The following ELAPOR2 variants were observed in gnomAD, a reference collection of about 807,000 sequenced individuals.
The protein encoded by ELAPOR2 is endosome/lysosome-associated apoptosis and autophagy regulator family member 2.
A neutral mutation model predicts 120.7 loss-of-function variants in ELAPOR2; 89 were observed. That is an observed-to-expected ratio of 0.74 (90% CI 0.62 to 0.88). The LOEUF (loss-of-function observed/expected upper bound fraction) is 0.88, where lower values mean the gene tolerates loss of function less well. Among genes scored for constraint, ELAPOR2 ranks in the 40% least tolerant of loss-of-function variants. The pLI, the probability that ELAPOR2 is intolerant of heterozygous loss-of-function variation, is 0.00. For missense variants in ELAPOR2, 1,134 were observed against 1,251.6 expected (o/e 0.91, Z 1.42); for synonymous variants, 444 against 444.9 (o/e 1.00, Z 0.03).
intron 13 of ELAPOR2, 40 bp downstream of exon 13, chr7:86,914,682 TA>T (rs752505273): frequency 5.1e-6 from 8 of 1,564,048 alleles, no homozygotes; most frequent in Non-Finnish European, 6.9e-6. Flanking sequence ...GGGGCATCAT[TA>T]GTGTGTTTAA....
chr7:87,021,032 G>T (rs535940056), intron 1 of ELAPOR2, among the ~76,000 whole-genome samples: 1 of 151,924 alleles, frequency 6.6e-6, no homozygotes, highest in African/African-American at 2.4e-5. Flanking sequence ...AACTCTATGG[G>T]GTAGGTATTA....
intron 1 of ELAPOR2, among the ~76,000 whole-genome samples, chr7:87,022,937 G>C (rs1794108634): frequency 6.6e-6 from 1 of 151,836 alleles, no homozygotes; most frequent in Non-Finnish European, 1.5e-5. Flanking sequence ...TTTTTTTCTT[G>C]TAAATTTGTT....
Position 86,878,437 on chromosome 7 carries a change from C to T in ELAPOR2, c.*2034G>A, listed in dbSNP as rs557556501. On this transcript the variant is annotated 3_prime_UTR_variant, in exon 22 of 22. Transcript: ENST00000450689. Reference sequence around the variant, plus strand: ...ATATCAACTACATTTTCGGAGAGTTCATTAAAATTTAAGGCATTTTTGACA... The same window carrying T: ...ATATCAACTACATTTTCGGAGAGTTTATTAAAATTTAAGGCATTTTTGACA... The T allele has an allele frequency of 3.5e-4, 54 of 152,224 alleles. No individual in the cohort carries two copies. Among genetic ancestry groups the T allele is most frequent in the African/African-American group, 1.2e-3 (51 of 41,536 alleles). The allele number at this position is 152,224 out of a possible 1,614,324, so 9.4% of individuals were successfully genotyped here.
intron 1 of ELAPOR2, among the ~76,000 whole-genome samples, chr7:86,992,581 T>C (rs552624377): frequency 6.5e-4 from 99 of 152,248 alleles, no homozygotes; most frequent in Admixed American, 1.3e-3. Context: ...AAAATGGATA[T>C]TTATCATTAC....
intron 1 of ELAPOR2, among the ~76,000 whole-genome samples, chr7:87,003,492 T>A (rs959783078): frequency 2.6e-5 from 4 of 152,150 alleles, no homozygotes; most frequent in African/African-American, 9.7e-5. Flanking sequence ...TATGTAGCAC[T>A]TCCCCCTTCG....
intron 1 of ELAPOR2, among the ~76,000 whole-genome samples, chr7:86,972,274 G>A (rs1340775421): frequency 1.3e-5 from 2 of 152,112 alleles, no homozygotes; most frequent in African/African-American, 4.8e-5. Flanking sequence ...CACCCAATCA[G>A]AACCAAGACA....
intron 1 of ELAPOR2, among the ~76,000 whole-genome samples, chr7:87,006,613 A>C (rs1562965277): frequency 6.6e-6 from 1 of 152,198 alleles, no homozygotes; most frequent in African/African-American, 2.4e-5. Flanking sequence ...TGCAGATAGG[A>C]ATGAAAACAA....
chr7:86,886,927 T>A (rs1799720324), intron 21 of ELAPOR2, among the ~76,000 whole-genome samples: 1 of 152,130 alleles, frequency 6.6e-6, no homozygotes, highest in Non-Finnish European at 1.5e-5. Context: ...TTCAATCATC[T>A]ATGAATAACT....
intron 3 of ELAPOR2, 145 bp from the exon 4 acceptor site, chr7:86,945,191 A>G (rs1293958365): frequency 9.5e-6 from 6 of 629,086 alleles, no homozygotes; most frequent in Non-Finnish European, 1.6e-5. Context: ...TCAAAGGCCA[A>G]CTTTATTACT....
intron 1 of ELAPOR2, among the ~76,000 whole-genome samples, chr7:87,040,983 C>A (rs1029052838): frequency 6.6e-6 from 1 of 151,712 alleles, no homozygotes; most frequent in African/African-American, 2.4e-5. Context: ...CCTCAGGAGC[C>A]GATGCGATCA....
chr7:87,025,941 A>G (rs1363650791), intron 1 of ELAPOR2, among the ~76,000 whole-genome samples: 3 of 152,150 alleles, frequency 2.0e-5, no homozygotes, highest in Non-Finnish European at 2.9e-5. Context: ...AAAAAAGAGA[A>G]AAACCAGCAA....
rs1790684953 is a variant in ELAPOR2, at chr7:86,938,960, C to T, written c.848G>A (p.Gly283Glu). Residue 283 changes from glycine to glutamate, a missense_variant and splice_region_variant, in exon 7 of 22, where the codon GGG (glycine) becomes GAG (glutamate). Around this residue, in one of 3 missense-constraint regions of ELAPOR2, gnomAD observed 23 missense variants for 52.4 expected, o/e 0.44. Coordinates refer to ENST00000450689, the MANE Select transcript of ELAPOR2 (RefSeq NM_001142749.3). ...AAAACATTCTGATGTGTACGCCACCCCTGTGCAGTAATGAAAAACAGAGCA... is the reference window on the plus strand; with the variant it reads ...AAAACATTCTGATGTGTACGCCACCTCTGTGCAGTAATGAAAAACAGAGCA... ...PVLVKNITIEGVAYTSECFPC... is the reference protein window; with the variant it reads ...PVLVKNITIEEVAYTSECFPC... 6.2e-7 allele frequency: 1 copy of T among 1,612,650 alleles called. No homozygotes were observed. Among genetic ancestry groups the T allele is most frequent in the Admixed American group, 1.7e-5 (1 of 59,830 alleles).
intron 10 of ELAPOR2, among the ~76,000 whole-genome samples, chr7:86,919,517 G>A (rs1789726168): frequency 1.3e-5 from 2 of 152,054 alleles, no homozygotes; most frequent in South Asian, 4.1e-4. Flanking sequence ...GCATTATTTT[G>A]AATAAAAGAT....
At chr7:86,999,974 T>G (rs1228001124) in intron 1 of ELAPOR2, among the ~76,000 whole-genome samples, 1 of 152,124 alleles carries the variant, frequency 6.6e-6, no homozygotes, top group Non-Finnish European at 1.5e-5. Context: ...CAGTGCCATA[T>G]GGAGCCCCCT....
rs141982072 is a variant in ELAPOR2 at position 86,904,312 on chromosome 7, A to G, written c.2558+3358T>C. Among the ~76,000 whole-genome samples the G allele has an allele frequency of 6.3e-3, 963 of 152,296 alleles. 17 individuals are homozygous for G. The highest frequency in any genetic ancestry group is 0.051 in the Admixed American group (781 of 15,292). On this transcript the variant is annotated intron_variant, in intron 18 of 21. Transcript: ENST00000450689. ...TGCTTAGGTCTAAATTCTTCCCAAT[A>G]AAAGGAGAGCCTTCAGTTCCTCTAT...
intron 21 of ELAPOR2, among the ~76,000 whole-genome samples, chr7:86,883,526 T>G (rs1028801212): frequency 1.2e-4 from 19 of 152,010 alleles, no homozygotes; most frequent in African/African-American, 4.4e-4. Context: ...TAAACAAATG[T>G]TGGTATATCT....
chr7:86,890,223 C>A (rs547781740), intron 21 of ELAPOR2, among the ~76,000 whole-genome samples: 44 of 151,946 alleles, frequency 2.9e-4, no homozygotes, highest in South Asian at 8.3e-4. Flanking sequence ...ACTGATTACC[C>A]TTTGTTCTAG....
At chr7:86,914,594 G>T in intron 13 of ELAPOR2, 129 bp downstream of exon 13, 1 of 672,282 alleles carries the variant, frequency 1.5e-6, no homozygotes, top group South Asian at 3.0e-5. Flanking sequence ...TCTATAACCA[G>T]ATTATTCATT....
chr7:87,046,797 G>A (rs1305367964), intron 1 of ELAPOR2, among the ~76,000 whole-genome samples: 2 of 152,158 alleles, frequency 1.3e-5, no homozygotes, highest in Non-Finnish European at 2.9e-5. Flanking sequence ...GCCATGTGGA[G>A]CTGTGAGTCA....
Sources: allele counts gnomAD v4.1 joint callset (sites outside exome capture counted in the v4.1 genomes callset), GRCh38; gene constraint gnomAD v4.1.1; regional missense constraint gnomAD v4.1.1; transcripts MANE v1.5; gene names NCBI Gene and HGNC (gene_info 2026-07-23, HGNC 2026-07-21).